CECR2: variants seen among roughly 807,000 people sequenced by gnomAD.
CECR2 encodes the protein chromatin remodeling regulator CECR2.
A neutral mutation model predicts 154.5 loss-of-function variants in CECR2; 30 were observed. The observed-to-expected ratio is 0.19, with a 90% CI of 0.15 to 0.26. The LOEUF (loss-of-function observed/expected upper bound fraction) is 0.26. Ranked by LOEUF, CECR2 falls within the 10% of genes least tolerant of loss-of-function variation. CECR2 has a pLI of 1.00. For missense variants in CECR2, 1,743 were observed against 1,829.3 expected (o/e 0.95, Z 0.86); for synonymous variants, 725 against 683.7 (o/e 1.06, Z -0.94).
At chr22:17,362,922 A>G (rs2062984300) in intron 1 of CECR2, among the ~76,000 whole-genome samples, 1 of 146,172 alleles carries the variant, frequency 6.8e-6, no homozygotes, top group Non-Finnish European at 1.5e-5. Context: ...AAAAAAAAAA[A>G]GAATACGTCC....
At chr22:17,533,893 T>C (rs1397988992) in intron 9 of CECR2, among the ~76,000 whole-genome samples, 1 of 151,568 alleles carries the variant, frequency 6.6e-6, no homozygotes, top group Non-Finnish European at 1.5e-5. Flanking sequence ...ATTTTGTATT[T>C]TTAGTAGACA....
chr22:17,405,741 C>T (rs2053975030), intron 1 of CECR2, among the ~76,000 whole-genome samples: 1 of 152,002 alleles, frequency 6.6e-6, no homozygotes, highest in South Asian at 2.1e-4. Context: ...CCTAAACTCC[C>T]CCCTTTTAGC....
intron 1 of CECR2, among the ~76,000 whole-genome samples, chr22:17,445,543 TTTATTATTATTATTATTATTATTA>T (rs3994823): frequency 4.1e-4 from 58 of 141,438 alleles, no homozygotes; most frequent in Non-Finnish European, 7.2e-4. Flanking sequence ...TGCTCTATAC[TTTATTATTATTATTATTATTATTA>T]TTATTATTAT....
chr22:17,527,068 T>C (rs557240206), intron 9 of CECR2, among the ~76,000 whole-genome samples: 3 of 152,278 alleles, frequency 2.0e-5, no homozygotes, highest in South Asian at 4.1e-4. Flanking sequence ...AACCAGAATG[T>C]AGAAGGAGCT....
At chr22:17,404,244 G>C (rs1421050763) in intron 1 of CECR2, among the ~76,000 whole-genome samples, 14 of 137,046 alleles carry the variant, frequency 1.0e-4, no homozygotes, top group Non-Finnish European at 4.7e-5. Context: ...GGATGACAGT[G>C]CGAGACTCTG....
intron 1 of CECR2, among the ~76,000 whole-genome samples, chr22:17,373,125 C>T (rs1239113688): frequency 6.6e-6 from 1 of 152,080 alleles, no homozygotes; most frequent in East Asian, 1.9e-4. Context: ...TACAGTGGCG[C>T]GACCTCGGCT....
chr22:17,474,058 G>GA (rs2055170341), intron 1 of CECR2, among the ~76,000 whole-genome samples: 1 of 152,090 alleles, frequency 6.6e-6, no homozygotes, highest in Admixed American at 6.6e-5. Flanking sequence ...TAACTGGGGG[G>GA]GGTTTATAGT....
At chr22:17,441,450 T>C (rs1009329869) in intron 1 of CECR2, among the ~76,000 whole-genome samples, 6 of 152,188 alleles carry the variant, frequency 3.9e-5, no homozygotes, top group Non-Finnish European at 5.9e-5. Context: ...ATAATATTTG[T>C]ATTGTAGTAT....
chr22:17,388,105 C>T (rs556745644), intron 1 of CECR2, among the ~76,000 whole-genome samples: 40 of 152,204 alleles, frequency 2.6e-4, no homozygotes, highest in African/African-American at 9.6e-4. Flanking sequence ...CAGGCACGCT[C>T]CACCATGCCT....
chr22:17,503,289 A>C (rs2055773611), intron 6 of CECR2, among the ~76,000 whole-genome samples, 158 bp downstream of exon 6: 1 of 152,146 alleles, frequency 6.6e-6, no homozygotes, highest in Non-Finnish European at 1.5e-5. Flanking sequence ...CTCACACCTT[A>C]TCCTGTGCCC....
intron 1 of CECR2, among the ~76,000 whole-genome samples, 191 bp from the exon 2 acceptor site, chr22:17,477,397 T>C (rs2055227023): frequency 6.6e-6 from 1 of 152,106 alleles, no homozygotes; most frequent in African/African-American, 2.4e-5. Context: ...AATAAAACCC[T>C]GGGAAAAAGA....
rs1339121774 is a variant in CECR2, at chr22:17,447,033, C to CTGTTTTTCT, written c.127-30554_127-30553insGTTTTTCTT. On this transcript the variant is annotated intron_variant, in intron 1 of 18. Coordinates refer to ENST00000262608, the MANE Select transcript of CECR2 (RefSeq NM_001290047.2). ...GAGTGCTGAGTGGTGCGTTTACAAT[C>CTGTTTTTCT]TTTTTTTTTTTTTTTTTTTGAGACA... Among the ~76,000 whole-genome samples, 679 of 114,102 alleles carry CTGTTTTTCT rather than the reference C, an allele frequency of 6.0e-3. 33 individuals carry two copies. Among genetic ancestry groups the CTGTTTTTCT allele is most frequent in the African/African-American group, 0.025 (659 of 26,696 alleles). 74.9% of individuals were successfully genotyped at this position (114,102 alleles called of 152,430 possible). A position where few individuals can be genotyped will look rare whatever the true frequency, so the allele number is the denominator to read the frequency against.
chr22:17,477,411 C>T (rs1208885198), intron 1 of CECR2, among the ~76,000 whole-genome samples, 177 bp from the exon 2 acceptor site: 1 of 152,064 alleles, frequency 6.6e-6, no homozygotes, highest in African/African-American at 2.4e-5. Flanking sequence ...AAAAAGAAAA[C>T]GCGGAATCCG....
At position 17,487,343 on chromosome 22, in the gene CECR2, T is replaced by C. The variant is rs576838992; in HGVS notation, c.221+9661T>C. On this transcript the variant is annotated intron_variant, in intron 2 of 18. Coordinates refer to ENST00000262608, the MANE Select transcript of CECR2 (RefSeq NM_001290047.2). ...TAGGAACTTCTGATTTGCTCTTCACTGTCAAAGTAAAGCTACGATTGAATC... is the reference window on the plus strand; with the variant it reads ...TAGGAACTTCTGATTTGCTCTTCACCGTCAAAGTAAAGCTACGATTGAATC... 3.9e-5 allele frequency among the ~76,000 whole-genome samples: 6 copies of C among 152,346 alleles called. No homozygotes were observed. In the East Asian group the frequency reaches 1.2e-3, roughly 29 times the overall value.
intron 1 of CECR2, among the ~76,000 whole-genome samples, chr22:17,386,969 C>T (rs1217970335): frequency 6.6e-6 from 1 of 152,072 alleles, no homozygotes; most frequent in African/African-American, 2.4e-5. Flanking sequence ...GCCTTTCTTT[C>T]ATTAGAATTT....
At chr22:17,526,808 CAAAAAAAAAAA>C (rs34800488) in intron 9 of CECR2, among the ~76,000 whole-genome samples, 7 of 71,676 alleles carry the variant, frequency 9.8e-5, no homozygotes, top group African/African-American at 3.7e-4. Context: ...GACTCCATCT[CAAAAAAAAAAA>C]AAAAAAAAAA....
intron 1 of CECR2, among the ~76,000 whole-genome samples, chr22:17,392,996 C>T (rs1053128482): frequency 2.6e-5 from 4 of 151,984 alleles, no homozygotes; most frequent in African/African-American, 4.8e-5. Context: ...GTTGAGATCA[C>T]GCCACTGCAC....
chr22:17,414,175 T>C (rs2054115742), intron 1 of CECR2, among the ~76,000 whole-genome samples: 2 of 151,542 alleles, frequency 1.3e-5, no homozygotes, highest in Non-Finnish European at 2.9e-5. Flanking sequence ...GATTTCACTG[T>C]GTTAGCCAGG....
chr22:17,463,751 G>C (rs551108523), intron 1 of CECR2, among the ~76,000 whole-genome samples: 1 of 151,898 alleles, frequency 6.6e-6, no homozygotes, highest in Admixed American at 6.6e-5. Flanking sequence ...GAGGAGAGGT[G>C]GGGGGGTGTA....
Sources: allele counts gnomAD v4.1 joint callset (sites outside exome capture counted in the v4.1 genomes callset), GRCh38; gene constraint gnomAD v4.1.1; transcripts MANE v1.5; gene names NCBI Gene and HGNC (gene_info 2026-07-23, HGNC 2026-07-21).